Variants in HMGCLL1 observed in about 807,000 individuals in gnomAD.
HMGCLL1 encodes the protein 3-hydroxymethyl-3-methylglutaryl-CoA lyase, cytoplasmic.
Under a neutral mutation model 39.1 loss-of-function variants are expected in HMGCLL1, and 36 were observed. That is an observed-to-expected ratio of 0.92 (90% CI 0.71 to 1.22). HMGCLL1 has a LOEUF of 1.22. HMGCLL1 is among the 50% of genes most tolerant of loss of function. HMGCLL1 has a pLI of 0.00. For synonymous variants in HMGCLL1, 149 were observed against 144.0 expected (o/e 1.03, Z -0.25); for missense variants, 451 against 416.5 (o/e 1.08, Z -0.72).
At chr6:55,672,975 C>T in the HMGCLL1 span, among the ~76,000 whole-genome samples, 1 of 151,936 alleles carries the variant, frequency 6.6e-6, no homozygotes, top group African/African-American at 2.4e-5. Context: ...ATTTGACAGT[C>T]ATTATTAACA....
the HMGCLL1 span, among the ~76,000 whole-genome samples, chr6:55,630,200 T>A: frequency 7.2e-5 from 11 of 152,126 alleles, no homozygotes; most frequent in Non-Finnish European, 1.0e-4. Flanking sequence ...GGAGCCTACC[T>A]CTTGCATCAG....
intron 7 of HMGCLL1, among the ~76,000 whole-genome samples, chr6:55,486,405 T>C (rs961217070): frequency 2.0e-5 from 3 of 152,032 alleles, no homozygotes; most frequent in Non-Finnish European, 2.9e-5. Flanking sequence ...GAGGCTGAGA[T>C]ACATCTAAAA....
In HMGCLL1 at chr6:55,516,616, A is replaced by G. The variant is rs758655935; in HGVS notation, c.298-13T>C. On this transcript the variant is annotated splice_polypyrimidine_tract_variant and intron_variant, in intron 3 of 8. Coordinates refer to ENST00000274901, the MANE Select transcript of HMGCLL1 (RefSeq NM_001042406.2). ...TGTGATCAGCCATCTTAAATACATA[A>G]TAGTTATATGTAAATGTGTAACTTC... 4 of 1,507,286 alleles carry G rather than the reference A, an allele frequency of 2.7e-6. No individual in the cohort carries two copies. The highest frequency in any genetic ancestry group is 3.7e-6 in the Non-Finnish European group (4 of 1,090,796). 93.4% of individuals were successfully genotyped at this position (1,507,286 alleles called of 1,614,324 possible). A position where few individuals can be genotyped will look rare whatever the true frequency, so the allele number is the denominator to read the frequency against.
At chr6:55,517,182 T>G (rs1344419830) in intron 3 of HMGCLL1, among the ~76,000 whole-genome samples, 1 of 152,070 alleles carries the variant, frequency 6.6e-6, no homozygotes, top group Non-Finnish European at 1.5e-5. Context: ...TGTGAACAAA[T>G]TAATACAGTA....
intron 1 of HMGCLL1, among the ~76,000 whole-genome samples, chr6:55,565,103 G>A (rs1045943730): frequency 6.6e-6 from 1 of 151,940 alleles, no homozygotes; most frequent in Non-Finnish European, 1.5e-5. Flanking sequence ...ATAAATAATT[G>A]TATTATTATA....
At chr6:55,480,257 G>T (rs550888606) in intron 7 of HMGCLL1, among the ~76,000 whole-genome samples, 2 of 151,454 alleles carry the variant, frequency 1.3e-5, no homozygotes, top group Non-Finnish European at 2.9e-5. Flanking sequence ...GAATATACAA[G>T]GAGCTCAAAT....
chr6:55,587,380 C>A, the HMGCLL1 span, among the ~76,000 whole-genome samples: 44 of 152,096 alleles, frequency 2.9e-4, no homozygotes, highest in African/African-American at 1.1e-3. Flanking sequence ...GAGATTTTGT[C>A]ACCACCAGGC....
intron 3 of HMGCLL1, among the ~76,000 whole-genome samples, chr6:55,534,781 C>T (rs1768918749): frequency 6.6e-6 from 1 of 152,236 alleles, no homozygotes; most frequent in South Asian, 2.1e-4. Context: ...TTGTTTTAAG[C>T]CATTAAATTT....
At chr6:55,634,885 G>T in the HMGCLL1 span, among the ~76,000 whole-genome samples, 3 of 152,140 alleles carry the variant, frequency 2.0e-5, no homozygotes, top group East Asian at 5.8e-4. Flanking sequence ...CTCTATAAAA[G>T]AAATTTAAAG....
the HMGCLL1 span, among the ~76,000 whole-genome samples, chr6:55,669,209 G>C: frequency 6.6e-6 from 1 of 151,482 alleles, no homozygotes; most frequent in Non-Finnish European, 1.5e-5. Flanking sequence ...CAAAAGTTTC[G>C]CCAACTGAAT....
chr6:55,651,915 C>G, the HMGCLL1 span, among the ~76,000 whole-genome samples: 49 of 152,188 alleles, frequency 3.2e-4, no homozygotes, highest in Non-Finnish European at 5.4e-4. Flanking sequence ...CTCCACTCTC[C>G]CTTCCCAAAG....
intron 1 of HMGCLL1, among the ~76,000 whole-genome samples, chr6:55,565,453 G>T (rs1490499047): frequency 6.6e-6 from 1 of 151,982 alleles, no homozygotes; most frequent in Admixed American, 6.6e-5. Context: ...TTTGTATATT[G>T]TGTATTATTT....
At chr6:55,626,065 G>A in the HMGCLL1 span, among the ~76,000 whole-genome samples, 1 of 152,246 alleles carries the variant, frequency 6.6e-6, no homozygotes, top group Non-Finnish European at 1.5e-5. Context: ...CCACTGCTGA[G>A]TGCCTAATTT....
the HMGCLL1 span, among the ~76,000 whole-genome samples, chr6:55,677,002 A>G: frequency 1.3e-5 from 2 of 152,224 alleles, no homozygotes; most frequent in Middle Eastern, 3.2e-3. Flanking sequence ...AAGGGGTGCT[A>G]TTGTGGTAGA....
the HMGCLL1 span, among the ~76,000 whole-genome samples, chr6:55,678,356 T>C: frequency 2.0e-5 from 3 of 152,152 alleles, no homozygotes; most frequent in Non-Finnish European, 2.9e-5. Context: ...TCCATGAACA[T>C]TATTTAAATA....
chr6:55,541,061 C>T (rs1014158765), intron 3 of HMGCLL1, among the ~76,000 whole-genome samples: 2 of 152,018 alleles, frequency 1.3e-5, no homozygotes, highest in Non-Finnish European at 2.9e-5. Context: ...ATTAAGGGAT[C>T]CAAGGACTGA....
intron 1 of HMGCLL1, among the ~76,000 whole-genome samples, chr6:55,543,050 T>C (rs1769570837): frequency 9.0e-6 from 1 of 110,582 alleles, no homozygotes; most frequent in South Asian, 2.7e-4. Flanking sequence ...ATATAATATA[T>C]CATATATATG....
At chr6:55,535,131 T>C (rs1327703022) in intron 3 of HMGCLL1, among the ~76,000 whole-genome samples, 1 of 152,220 alleles carries the variant, frequency 6.6e-6, no homozygotes, top group Non-Finnish European at 1.5e-5. Flanking sequence ...GATCATTTAC[T>C]AAAGAACTAA....
At chr6:55,545,965 G>A (rs1158256499) in intron 1 of HMGCLL1, among the ~76,000 whole-genome samples, 7 of 152,104 alleles carry the variant, frequency 4.6e-5, no homozygotes, top group African/African-American at 1.7e-4. Context: ...TCACACTGCA[G>A]GAGCTGCACT....
Sources: allele counts gnomAD v4.1 joint callset (sites outside exome capture counted in the v4.1 genomes callset), GRCh38; gene constraint gnomAD v4.1.1; transcripts MANE v1.5; gene names NCBI Gene and HGNC (gene_info 2026-07-23, HGNC 2026-07-21).